The following NALCN variants were observed in gnomAD, a reference collection of about 807,000 sequenced individuals.
NALCN encodes the protein sodium leak channel, non-selective.
In NALCN, 111 loss-of-function variants were observed where a neutral mutation model predicts 225.3. That is an observed-to-expected ratio of 0.49 (90% confidence interval 0.42 to 0.58). The LOEUF is 0.58. Ranked by LOEUF, NALCN falls within the 20% of genes least tolerant of loss-of-function variation. The probability of loss-of-function intolerance (pLI) is 0.00; values close to 1 mark genes in which losing one functional copy is unlikely to be tolerated. For synonymous variants in NALCN, 764 were observed against 769.0 expected (o/e 0.99, Z 0.11); for missense variants, 1,378 against 2,202.4 (o/e 0.63, Z 7.49).
intron 11 of NALCN, among the ~76,000 whole-genome samples, chr13:101,247,747 C>G (rs1356412921): frequency 6.6e-6 from 1 of 152,026 alleles, no homozygotes; most frequent in Non-Finnish European, 1.5e-5. Flanking sequence ...CACCTATAAA[C>G]CCATGACCTA....
At chr13:101,288,393 G>T in intron 9 of NALCN, among the ~76,000 whole-genome samples, 1 of 152,090 alleles carries the variant, frequency 6.6e-6, no homozygotes, top group Non-Finnish European at 1.5e-5. Context: ...CTTTCTTTTT[G>T]GAGGAGAAAT....
chr13:101,144,439 C>T (rs2037244648), intron 16 of NALCN, among the ~76,000 whole-genome samples: 1 of 152,198 alleles, frequency 6.6e-6, no homozygotes, highest in African/African-American at 2.4e-5. Flanking sequence ...CCTGCCATCC[C>T]TGCAACACTG....
At chr13:101,088,899 T>C (rs1170256527) in intron 30 of NALCN, among the ~76,000 whole-genome samples, 1 of 87,488 alleles carries the variant, frequency 1.1e-5, no homozygotes, top group Non-Finnish European at 2.2e-5. Flanking sequence ...AAATCTTTTT[T>C]TCTTTTTTTT....
At chr13:101,122,520 C>T (rs2036027973) in intron 18 of NALCN, among the ~76,000 whole-genome samples, 2 of 152,034 alleles carry the variant, frequency 1.3e-5, no homozygotes, top group South Asian at 2.1e-4. Context: ...TGCTCATGTA[C>T]ATTATATAAT....
rs9518351 is a variant in NALCN, at chr13:101,237,532, T to C, written c.1434+223A>G. ...AAGTAAGTAAAACATCTACATTGTT[T>C]CTGTGAATTTTCAGGAGTTTTAAAA... On this transcript the variant is annotated intron_variant, in intron 12 of 43. Coordinates refer to ENST00000251127, the MANE Select transcript of NALCN (RefSeq NM_052867.4). Among the ~76,000 whole-genome samples, 95,460 of 151,594 alleles carry C rather than the reference T, an allele frequency of 0.63. 30,585 individuals are homozygous for C. The highest frequency in any genetic ancestry group is 0.95 in the East Asian group (4,899 of 5,162).
intron 27 of NALCN, among the ~76,000 whole-genome samples, chr13:101,098,753 G>A (rs549930728): frequency 6.0e-4 from 92 of 152,132 alleles, no homozygotes; most frequent in Non-Finnish European, 1.0e-3. Context: ...TTCAGCCGAC[G>A]TCACCTTCAC....
intron 15 of NALCN, among the ~76,000 whole-genome samples, chr13:101,146,670 A>T (rs943214886): frequency 2.0e-5 from 3 of 152,236 alleles, no homozygotes; most frequent in African/African-American, 7.2e-5. Context: ...GCAGAAATAA[A>T]GTATTGTTAA....
intron 6 of NALCN, among the ~76,000 whole-genome samples, chr13:101,348,123 A>G (rs535499890): frequency 6.6e-6 from 1 of 152,290 alleles, no homozygotes; most frequent in East Asian, 1.9e-4. Flanking sequence ...TAAAAATACA[A>G]TAGCAGAAAT....
intron 15 of NALCN, among the ~76,000 whole-genome samples, chr13:101,147,307 T>C (rs1440076973): frequency 1.3e-5 from 2 of 151,942 alleles, no homozygotes; most frequent in Non-Finnish European, 2.9e-5. Context: ...CGCTCTGTCT[T>C]AAAACTTTTC....
chr13:101,273,861 G>T (rs1271916395), intron 10 of NALCN, among the ~76,000 whole-genome samples: 1 of 148,324 alleles, frequency 6.7e-6, no homozygotes, highest in East Asian at 2.0e-4. Flanking sequence ...CTCCAGCCTG[G>T]GCGACAGAGC....
At chr13:101,234,775 A>G (rs1432437617) in intron 12 of NALCN, among the ~76,000 whole-genome samples, 1 of 152,222 alleles carries the variant, frequency 6.6e-6, no homozygotes, top group Non-Finnish European at 1.5e-5. Flanking sequence ...AAAATCAAAG[A>G]CAAAACTGAA....
chr13:101,226,567 G>A (rs2140124209), intron 13 of NALCN, among the ~76,000 whole-genome samples: 1 of 152,232 alleles, frequency 6.6e-6, no homozygotes, highest in Non-Finnish European at 1.5e-5. Flanking sequence ...AGAGAAGGTG[G>A]GCCTAATGAT....
intron 10 of NALCN, among the ~76,000 whole-genome samples, chr13:101,260,501 T>A (rs1341898893): frequency 6.6e-6 from 1 of 152,178 alleles, no homozygotes; most frequent in Non-Finnish European, 1.5e-5. Context: ...TGTAGAAGGG[T>A]TCCCTTTTCT....
intron 10 of NALCN, among the ~76,000 whole-genome samples, chr13:101,276,010 G>GC (rs1235772539): frequency 7.3e-6 from 1 of 137,526 alleles, no homozygotes; most frequent in Non-Finnish European, 1.5e-5. Flanking sequence ...GTTGCAGTGA[G>GC]CCGAGATCGC....
chr13:101,360,562 A>G (rs2046223933), intron 6 of NALCN, among the ~76,000 whole-genome samples: 1 of 152,158 alleles, frequency 6.6e-6, no homozygotes, highest in Non-Finnish European at 1.5e-5. Context: ...TAGCAATGAA[A>G]GAATGGATTT....
chr13:101,138,386 G>A (rs567012146), intron 17 of NALCN, among the ~76,000 whole-genome samples: 1 of 152,326 alleles, frequency 6.6e-6, no homozygotes, highest in African/African-American at 2.4e-5. Flanking sequence ...TCATTGTGAA[G>A]GCTTATTAAA....
intron 13 of NALCN, among the ~76,000 whole-genome samples, chr13:101,218,836 T>C (rs149908623): frequency 3.7e-4 from 57 of 152,294 alleles, no homozygotes; most frequent in African/African-American, 1.1e-3. Flanking sequence ...ATGCTTCCTA[T>C]ACAACCTGCA....
At chr13:101,414,761 A>T (rs2047886229) in intron 1 of NALCN, among the ~76,000 whole-genome samples, 1 of 152,232 alleles carries the variant, frequency 6.6e-6, no homozygotes, top group Non-Finnish European at 1.5e-5. Flanking sequence ...TTTATAAGAC[A>T]TGCTTTCTCC....
rs2030889975 is a variant in NALCN at position 101,054,000 on chromosome 13, A to ATAGAT, written c.*1290_*1294dup. On this transcript the variant is annotated 3_prime_UTR_variant, in exon 44 of 44. Coordinates refer to ENST00000251127, the MANE Select transcript of NALCN (RefSeq NM_052867.4). ...TCTGAGGAATGTTAAATAGAGAAAAATAGATTATAAAACAACCTGGAGGTC... is the reference window on the plus strand; with the variant it reads ...TCTGAGGAATGTTAAATAGAGAAAAATAGATTAGATTATAAAACAACCTGGAGGTC... The ATAGAT allele has an allele frequency of 1.3e-5, 2 of 151,996 alleles. No individual in the cohort carries two copies. Among genetic ancestry groups the ATAGAT allele is most frequent in the Admixed American group, 1.3e-4 (2 of 15,270 alleles). 9.4% of individuals were successfully genotyped at this position (151,996 alleles called of 1,614,324 possible). A position where few individuals can be genotyped will look rare whatever the true frequency, so the allele number is the denominator to read the frequency against.
Sources: gnomAD v4.1 joint callset for allele counts (sites outside exome capture counted in the v4.1 genomes callset) on GRCh38, gnomAD v4.1.1 for gene constraint, MANE v1.5 for transcripts, NCBI Gene and HGNC (gene_info 2026-07-23, HGNC 2026-07-21) for gene names.